NOVA1: variants seen among roughly 807,000 people sequenced by gnomAD.
NOVA1 encodes RNA-binding protein Nova-1.
NOVA1 carries 7 observed loss-of-function variants against 38.0 expected under a neutral mutation model. The observed-to-expected ratio is 0.18, with a 90% CI of 0.10 to 0.35. The LOEUF (loss-of-function observed/expected upper bound fraction) is 0.35, where lower values mean the gene tolerates loss of function less well. Among genes scored for constraint, NOVA1 ranks in the 10% least tolerant of loss-of-function variants. NOVA1 has a pLI of 1.00. For missense variants in NOVA1, 460 were observed against 616.0 expected (o/e 0.75, Z 2.68); for synonymous variants, 270 against 232.5 (o/e 1.16, Z -1.47).
In NOVA1 at chr14:26,563,818, GCCCAAGTATGGGCT is replaced by G. The variant is rs1488780629; in HGVS notation, c.280+31578_280+31591del. Reference sequence around the variant, plus strand: ...AGAAACAGTATAAGCTCTAGCCTAAGCCCAAGTATGGGCTTTATGAGCGTTTTCAGAGATTTATT... The same window carrying G: ...AGAAACAGTATAAGCTCTAGCCTAAGTTATGAGCGTTTTCAGAGATTTATT... On this transcript the variant is annotated intron_variant, in intron 2 of 4. Transcript: ENST00000539517. Among the ~76,000 whole-genome samples, 7 of 152,094 alleles carry G rather than the reference GCCCAAGTATGGGCT, an allele frequency of 4.6e-5. 1 individual carries two copies. Among genetic ancestry groups the G allele is most frequent in the Admixed American group, 3.3e-4 (5 of 15,270 alleles).
At chr14:26,579,395 T>G (rs1299313138) in intron 2 of NOVA1, among the ~76,000 whole-genome samples, 1 of 152,130 alleles carries the variant, frequency 6.6e-6, no homozygotes, top group Non-Finnish European at 1.5e-5. Flanking sequence ...CTTCCAAATA[T>G]AAAACTGAAT....
intron 2 of NOVA1, among the ~76,000 whole-genome samples, chr14:26,518,816 T>C (rs893872060): frequency 1.2e-3 from 181 of 152,224 alleles, no homozygotes; most frequent in Non-Finnish European, 2.4e-3. Context: ...TGGCTATATT[T>C]GCATGACTCT....
chr14:26,574,785 T>C (rs1175342861), intron 2 of NOVA1, among the ~76,000 whole-genome samples: 1 of 151,848 alleles, frequency 6.6e-6, no homozygotes, highest in Admixed American at 6.6e-5. Flanking sequence ...GTCTCCAGAG[T>C]AGCTAGGAAT....
rs143301498 is a variant in NOVA1 at position 26,529,998 on chromosome 14, C to T, written c.281-49855G>A. ...GCAGTGGCGCGATCTCGGCTCACTG[C>T]AAGCTCCGCCTCCCGGGTTCACGCC... On this transcript the variant is annotated intron_variant, in intron 2 of 4. Coordinates refer to ENST00000539517, the MANE Select transcript of NOVA1 (RefSeq NM_002515.3). Among the ~76,000 whole-genome samples, 1,339 of 152,294 alleles carry T rather than the reference C, an allele frequency of 8.8e-3. 9 individuals carry two copies. Among genetic ancestry groups the T allele is most frequent in the Middle Eastern group, 0.017 (5 of 294 alleles).
intron 2 of NOVA1, among the ~76,000 whole-genome samples, chr14:26,517,422 T>A (rs1888549385): frequency 6.6e-6 from 1 of 152,192 alleles, no homozygotes; most frequent in Non-Finnish European, 1.5e-5. Flanking sequence ...TGCTTATTAC[T>A]TTTCTTGGCC....
rs535672954 is a variant in NOVA1 at position 26,529,051 on chromosome 14, A to C, written c.281-48908T>G. On this transcript the variant is annotated intron_variant, in intron 2 of 4. Coordinates refer to ENST00000539517, the MANE Select transcript of NOVA1 (RefSeq NM_002515.3). ...AAGGTCTATCCAACAAGTACACCCG[A>C]TCACCCTACTAGGAGGCATATTTGC... 2.6e-4 allele frequency among the ~76,000 whole-genome samples: 39 copies of C among 152,016 alleles called. No individual in the cohort carries two copies. The South Asian group carries it at 8.1e-3, about 32-fold the overall frequency.
In NOVA1 at chr14:26,559,365, A is replaced by C. The variant is rs563115637; in HGVS notation, c.280+36045T>G. On this transcript the variant is annotated intron_variant, in intron 2 of 4. Coordinates refer to ENST00000539517, the MANE Select transcript of NOVA1 (RefSeq NM_002515.3). ...AATACTGGTTAGTATAATTCTGAGA[A>C]TGTTATTTAACCACCATTTATAAAA... Among the ~76,000 whole-genome samples, 4 of 152,288 alleles carry C rather than the reference A, an allele frequency of 2.6e-5. No individual in the cohort carries two copies. In the East Asian group the frequency reaches 5.8e-4, roughly 22 times the overall value.
At chr14:26,591,235 G>GT (rs1893825377) in intron 2 of NOVA1, among the ~76,000 whole-genome samples, 1 of 151,602 alleles carries the variant, frequency 6.6e-6, no homozygotes, top group South Asian at 2.1e-4. Flanking sequence ...TCCTTCAACT[G>GT]TAGATATAGA....
At chr14:26,539,268 A>G (rs1227598718) in intron 2 of NOVA1, among the ~76,000 whole-genome samples, 6 of 152,210 alleles carry the variant, frequency 3.9e-5, no homozygotes, top group African/African-American at 1.4e-4. Flanking sequence ...ATGAATAAGA[A>G]TAACAGATTA....
chr14:26,491,308 G>A (rs559813203), intron 2 of NOVA1, among the ~76,000 whole-genome samples: 147 of 152,132 alleles, frequency 9.7e-4, no homozygotes, highest in African/African-American at 3.2e-3. Flanking sequence ...GGTTTTATTC[G>A]TTGAGTTTTA....
chr14:26,583,594 A>G (rs1175510132), intron 2 of NOVA1, among the ~76,000 whole-genome samples: 2 of 151,586 alleles, frequency 1.3e-5, no homozygotes, highest in Non-Finnish European at 3.0e-5. Flanking sequence ...TATAAAATGC[A>G]AGATAGATTT....
At position 26,574,276 on chromosome 14, in the gene NOVA1, CCCCCG is replaced by C. The variant is rs1478529899; in HGVS notation, c.280+21129_280+21133del. Among the ~76,000 whole-genome samples, 281 of 99,464 alleles carry C rather than the reference CCCCCG, an allele frequency of 2.8e-3. 11 individuals are homozygous for C. Among genetic ancestry groups the C allele is most frequent in the East Asian group, 0.011 (27 of 2,502 alleles). 65.3% of individuals were successfully genotyped at this position (99,464 alleles called of 152,430 possible). On this transcript the variant is annotated intron_variant, in intron 2 of 4. Coordinates refer to ENST00000539517, the MANE Select transcript of NOVA1 (RefSeq NM_002515.3). Reference sequence around the variant, plus strand: ...CCTGACCTCGTGATCCACCCCCCCCCCCCCGCCCCCTCGGCCTCCCAAAGTGCTGG... The same window carrying C: ...CCTGACCTCGTGATCCACCCCCCCCCCCCCCTCGGCCTCCCAAAGTGCTGG...
At chr14:26,473,235 CAT>C (rs1472859868) in intron 3 of NOVA1, among the ~76,000 whole-genome samples, 2 of 151,490 alleles carry the variant, frequency 1.3e-5, no homozygotes, top group Non-Finnish European at 2.9e-5. Context: ...GCCATCTACA[CAT>C]GTTGAACAAT....
chr14:26,464,165 A>C lies in NOVA1; in HGVS notation c.519+8155T>G, dbSNP rs115005067. Among the ~76,000 whole-genome samples, 952 of 152,268 alleles carry C rather than the reference A, an allele frequency of 6.3e-3. 9 individuals carry two copies. Among genetic ancestry groups the C allele is most frequent in the Non-Finnish European group, 9.5e-3 (647 of 68,010 alleles). On this transcript the variant is annotated intron_variant, in intron 4 of 4. Transcript: ENST00000539517. ...TCTTTATCATACATTAAGTTCCCATATATAGTCATGTGCTGCATTGTGACA... is the reference window on the plus strand; with the variant it reads ...TCTTTATCATACATTAAGTTCCCATCTATAGTCATGTGCTGCATTGTGACA...
intron 2 of NOVA1, among the ~76,000 whole-genome samples, chr14:26,527,570 T>C (rs981249411): frequency 3.3e-5 from 5 of 152,162 alleles, no homozygotes; most frequent in Admixed American, 2.6e-4. Flanking sequence ...ATGTGTGCTC[T>C]TGACTATCAA....
chr14:26,476,319 C>CT (rs200208903), intron 3 of NOVA1, among the ~76,000 whole-genome samples: 7 of 151,938 alleles, frequency 4.6e-5, no homozygotes, highest in South Asian at 2.1e-4. Context: ...TAAGTGACTT[C>CT]TTTTTTTTCC....
intron 3 of NOVA1, among the ~76,000 whole-genome samples, chr14:26,478,829 C>T (rs1409738564): frequency 6.6e-6 from 1 of 151,732 alleles, no homozygotes; most frequent in Non-Finnish European, 1.5e-5. Context: ...TATAGAATAA[C>T]AACTACCTAC....
At chr14:26,571,750 G>A (rs1892489674) in intron 2 of NOVA1, among the ~76,000 whole-genome samples, 1 of 152,170 alleles carries the variant, frequency 6.6e-6, no homozygotes, top group African/African-American at 2.4e-5. Flanking sequence ...TCACATAGAA[G>A]AAGGCATTAA....
intron 2 of NOVA1, among the ~76,000 whole-genome samples, chr14:26,567,233 A>G (rs1892187634): frequency 1.3e-5 from 2 of 152,016 alleles, no homozygotes; most frequent in Non-Finnish European, 2.9e-5. Context: ...CTGCCTTCAG[A>G]AAAATTTATA....
Sources: allele counts gnomAD v4.1 joint callset (sites outside exome capture counted in the v4.1 genomes callset), GRCh38; gene constraint gnomAD v4.1.1; transcripts MANE v1.5; gene names NCBI Gene and HGNC (gene_info 2026-07-23, HGNC 2026-07-21).